The following RBM47 variants were observed in gnomAD, a reference collection of about 807,000 sequenced individuals.
RBM47 encodes RNA binding motif protein 47, also known as RNA-binding protein 47.
RBM47 carries 21 observed loss-of-function variants against 47.1 expected under a neutral mutation model. That is an observed-to-expected ratio of 0.45 (90% confidence interval 0.32 to 0.64). The LOEUF (loss-of-function observed/expected upper bound fraction) is 0.64. RBM47 is among the 30% of genes least tolerant of loss of function. RBM47 has a pLI of 0.05. For missense variants in RBM47, 708 were observed against 870.9 expected (o/e 0.81, Z 2.35); for synonymous variants, 375 against 361.7 (o/e 1.04, Z -0.42).
At chr4:40,538,457 G>A (rs1728190933) in intron 2 of RBM47, among the ~76,000 whole-genome samples, 1 of 151,230 alleles carries the variant, frequency 6.6e-6, no homozygotes, top group South Asian at 2.1e-4. Flanking sequence ...CTCCCAAGTA[G>A]CTGGGACTAG....
intron 1 of RBM47, among the ~76,000 whole-genome samples, chr4:40,606,142 G>C (rs1185044920): frequency 6.6e-6 from 1 of 150,888 alleles, no homozygotes. Flanking sequence ...AGGTTGCAGT[G>C]AGCCAAGATC....
chr4:40,577,989 G>GA (rs1210992679), intron 1 of RBM47, among the ~76,000 whole-genome samples: 2 of 151,906 alleles, frequency 1.3e-5, no homozygotes, highest in African/African-American at 4.8e-5. Flanking sequence ...CTTAAAAAAA[G>GA]AAAAAAAGAA....
rs200381182 is a variant in RBM47 at position 40,437,723 on chromosome 4, G to T, written c.1123+48C>A. Reference sequence around the variant, plus strand: ...GGTATCCCTGGTGCCCCCTGCCTAGGAGGCAACGTTCTTGGGGGCCCCACC... The same window carrying T: ...GGTATCCCTGGTGCCCCCTGCCTAGTAGGCAACGTTCTTGGGGGCCCCACC... On this transcript the variant is annotated intron_variant, in intron 4 of 6. Coordinates refer to ENST00000295971, the MANE Select transcript of RBM47 (RefSeq NM_001098634.2). The T allele has an allele frequency of 2.0e-5, 31 of 1,521,146 alleles. No homozygotes were observed. In the African/African-American group the frequency reaches 4.0e-4, roughly 20 times the overall value. 94.2% of individuals were successfully genotyped at this position (1,521,146 alleles called of 1,614,324 possible).
chr4:40,535,378 T>TTTTTTTTTTTTC (rs1281327401), intron 2 of RBM47, among the ~76,000 whole-genome samples: 1 of 136,964 alleles, frequency 7.3e-6, no homozygotes, highest in African/African-American at 2.9e-5. Context: ...TTTCTTTTTT[T>TTTTTTTTTTTTC]TTTTTTTTTT....
At chr4:40,427,308 G>A (rs562437492) in intron 6 of RBM47, 2 of 152,330 alleles carry the variant, frequency 1.3e-5, no homozygotes, top group African/African-American at 2.4e-5. Context: ...AGTTTTGAAG[G>A]ATAAAGAGCA....
intron 1 of RBM47, among the ~76,000 whole-genome samples, chr4:40,562,776 C>T (rs1577965398): frequency 6.6e-6 from 1 of 152,122 alleles, no homozygotes; most frequent in African/African-American, 2.4e-5. Flanking sequence ...GAAATATTTC[C>T]TTTCTGTTTC....
intron 2 of RBM47, among the ~76,000 whole-genome samples, chr4:40,525,536 A>C (rs1044494284): frequency 4.6e-5 from 7 of 152,340 alleles, no homozygotes; most frequent in Non-Finnish European, 5.9e-5. Context: ...GATTTTTATT[A>C]AGGTGAGGCA....
intron 2 of RBM47, among the ~76,000 whole-genome samples, chr4:40,482,096 T>C (rs376356171): frequency 1.3e-5 from 2 of 152,196 alleles, no homozygotes; most frequent in East Asian, 1.9e-4. Flanking sequence ...AAATGTCTGA[T>C]AATTACAACA....
intron 3 of RBM47, among the ~76,000 whole-genome samples, chr4:40,443,287 C>T (rs1175873567): frequency 2.0e-5 from 3 of 151,896 alleles, no homozygotes; most frequent in South Asian, 4.2e-4. Flanking sequence ...GAACCATACA[C>T]TTAAAAATGG....
intron 1 of RBM47, among the ~76,000 whole-genome samples, chr4:40,626,064 A>G (rs1737707999): frequency 6.6e-6 from 1 of 152,200 alleles, no homozygotes; most frequent in Non-Finnish European, 1.5e-5. Context: ...TGATCAGCTT[A>G]TTTATGTATT....
At chr4:40,592,814 C>T (rs932160809) in intron 1 of RBM47, among the ~76,000 whole-genome samples, 3 of 150,544 alleles carry the variant, frequency 2.0e-5, no homozygotes, top group Admixed American at 6.7e-5. Flanking sequence ...CTGCCTTGGC[C>T]TCCCAGTGAG....
chr4:40,480,423 ATCT>A (rs1720227337), intron 2 of RBM47, among the ~76,000 whole-genome samples: 1 of 152,160 alleles, frequency 6.6e-6, no homozygotes, highest in Non-Finnish European at 1.5e-5. Context: ...TAAGTAGATA[ATCT>A]TCTTTCTTTC....
At chr4:40,620,690 T>C (rs1478863019) in intron 1 of RBM47, among the ~76,000 whole-genome samples, 1 of 152,202 alleles carries the variant, frequency 6.6e-6, no homozygotes, top group Non-Finnish European at 1.5e-5. Flanking sequence ...ATTCATTTTT[T>C]CTTTTCTTTA....
chr4:40,472,911 G>A (rs536984128), intron 2 of RBM47, among the ~76,000 whole-genome samples: 26 of 152,242 alleles, frequency 1.7e-4, no homozygotes, highest in African/African-American at 5.3e-4. Context: ...CTAAAAGAGT[G>A]CTAGACTTGA....
chr4:40,444,484 T>C (rs1240145523), intron 3 of RBM47, among the ~76,000 whole-genome samples: 1 of 150,480 alleles, frequency 6.6e-6, no homozygotes, highest in South Asian at 2.1e-4. Flanking sequence ...CAAAGCGAAA[T>C]AGTTGAGACC....
At chr4:40,461,519 ATGAGGACCTACAGCAGCCCACGTTGC>A (rs1322480160) in intron 3 of RBM47, among the ~76,000 whole-genome samples, 1 of 152,182 alleles carries the variant, frequency 6.6e-6, no homozygotes, top group Admixed American at 6.5e-5. Flanking sequence ...CAAAGAGAAA[ATGAGGACCTACAGCAGCCCACGTTGC>A]TGAGGACCTA....
At chr4:40,554,480 T>C (rs1342839419) in intron 1 of RBM47, among the ~76,000 whole-genome samples, 2 of 147,770 alleles carry the variant, frequency 1.4e-5, no homozygotes, top group African/African-American at 4.9e-5. Context: ...AGTGGCTTCA[T>C]CATAACAAGT....
chr4:40,550,939 ATTTTGAAAAATTTAGACATCTTCCCCC>A (rs1426953095), intron 1 of RBM47, among the ~76,000 whole-genome samples: 6 of 152,028 alleles, frequency 3.9e-5, no homozygotes, highest in African/African-American at 1.4e-4. Flanking sequence ...TGCAAGAAAC[ATTTTGAAAAATTTAGACATCTTCCCCC>A]TCTCATTATC....
At chr4:40,530,429 A>G (rs2154259234) in intron 2 of RBM47, among the ~76,000 whole-genome samples, 1 of 152,062 alleles carries the variant, frequency 6.6e-6, no homozygotes, top group East Asian at 1.9e-4. Flanking sequence ...TCACCTCCTA[A>G]GTAGCTGGGA....
Sources: allele counts gnomAD v4.1 joint callset (sites outside exome capture counted in the v4.1 genomes callset), GRCh38; gene constraint gnomAD v4.1.1; transcripts MANE v1.5; gene names NCBI Gene and HGNC (gene_info 2026-07-23, HGNC 2026-07-21).